Variants in KAZN observed in about 807,000 individuals in gnomAD.
KAZN encodes kazrin.
Under a neutral mutation model 87.4 loss-of-function variants are expected in KAZN, and 40 were observed. That is an observed-to-expected ratio of 0.46 (90% CI 0.36 to 0.60). KAZN has a LOEUF of 0.60. Among genes scored for constraint, KAZN ranks in the 20% least tolerant of loss-of-function variants. The probability of loss-of-function intolerance (pLI) is 0.00; values close to 1 mark genes in which losing one functional copy is unlikely to be tolerated. For synonymous variants in KAZN, 466 were observed against 458.3 expected, an observed-to-expected ratio of 1.02 and a Z score of -0.22; for missense variants, 898 against 1,073.9, an observed-to-expected ratio of 0.84 and a Z score of 2.29.
intron 1 of KAZN, among the ~76,000 whole-genome samples, chr1:14,156,088 A>G (rs1245138965): frequency 6.6e-6 from 1 of 152,130 alleles, no homozygotes; most frequent in Non-Finnish European, 1.5e-5. Context: ...TAATTTCTTC[A>G]TTGACACATT....
At chr1:14,190,345 A>AC (rs1157343550) in intron 2 of KAZN, among the ~76,000 whole-genome samples, 2 of 151,998 alleles carry the variant, frequency 1.3e-5, no homozygotes, top group Non-Finnish European at 2.9e-5. Context: ...CTCATTTAAT[A>AC]CCCCCGGTGA....
rs372358473 is a variant in KAZN at position 14,605,013 on chromosome 1, T to C, written c.226+5790T>C. Among the ~76,000 whole-genome samples, 462 of 152,318 alleles carry C rather than the reference T, an allele frequency of 3.0e-3. 2 individuals are homozygous for C. The highest frequency in any genetic ancestry group is 0.011 in the African/African-American group (437 of 41,562). On this transcript the variant is annotated intron_variant, in intron 1 of 14. Coordinates refer to ENST00000376030, the MANE Select transcript of KAZN (RefSeq NM_201628.3). The stretch of plus-strand genomic sequence containing the variant: ...CTTCCATTCCCAATATTACCTCTGC[T>C]CTACAGATTGTGTGAAGTAATGAGT...
At chr1:14,828,108 GCCAT>G (rs1219574181) in intron 1 of KAZN, among the ~76,000 whole-genome samples, 1 of 152,162 alleles carries the variant, frequency 6.6e-6, no homozygotes, top group Non-Finnish European at 1.5e-5. Context: ...AATTCTCTAT[GCCAT>G]CCCTTGGCAT....
chr1:13,936,451 A>G (rs1216011921), intron 1 of KAZN, among the ~76,000 whole-genome samples: 1 of 152,090 alleles, frequency 6.6e-6, no homozygotes, highest in African/African-American at 2.4e-5. Context: ...GTAAAGTCTG[A>G]GATTTTAATG....
chr1:14,357,394 C>T (rs941751898), intron 2 of KAZN, among the ~76,000 whole-genome samples: 2 of 152,162 alleles, frequency 1.3e-5, no homozygotes, highest in Non-Finnish European at 2.9e-5. Flanking sequence ...TTCCTCTCTT[C>T]CTATTGGAAT....
chr1:14,992,017 C>T (rs2101957756), intron 2 of KAZN, among the ~76,000 whole-genome samples: 1 of 152,296 alleles, frequency 6.6e-6, no homozygotes, highest in Admixed American at 6.5e-5. Flanking sequence ...CCTCTCTTTG[C>T]CTGGTGTCTG....
chr1:14,219,934 A>G (rs1647056187), intron 2 of KAZN, among the ~76,000 whole-genome samples: 2 of 152,170 alleles, frequency 1.3e-5, no homozygotes, highest in Admixed American at 1.3e-4. Context: ...GCCATTGATC[A>G]TCTCTTAGCA....
At chr1:14,090,375 T>TTC (rs892113504) in intron 1 of KAZN, among the ~76,000 whole-genome samples, 5 of 151,824 alleles carry the variant, frequency 3.3e-5, no homozygotes, top group South Asian at 2.1e-4. Flanking sequence ...TCACTAATTT[T>TTC]TCTCTCTCTC....
intron 1 of KAZN, among the ~76,000 whole-genome samples, chr1:14,164,527 G>A (rs1455212854): frequency 4.4e-5 from 6 of 137,460 alleles, no homozygotes; most frequent in Non-Finnish European, 9.3e-5. Flanking sequence ...TGCAATGTGA[G>A]TTTCCTCTTT....
intron 1 of KAZN, among the ~76,000 whole-genome samples, chr1:13,996,403 C>T (rs1286565202): frequency 2.0e-5 from 3 of 152,182 alleles, no homozygotes; most frequent in Non-Finnish European, 4.4e-5. Context: ...GGAGGAGCAG[C>T]AGCCAGCACT....
chr1:14,277,242 C>A (rs1022294672), intron 2 of KAZN, among the ~76,000 whole-genome samples: 2 of 152,278 alleles, frequency 1.3e-5, no homozygotes, highest in African/African-American at 4.8e-5. Flanking sequence ...TTTAAAGCAA[C>A]CCCATACATC....
In KAZN at chr1:14,898,083, T is replaced by C. The variant is rs1189255944; in HGVS notation, c.227-62601T>C. Among the ~76,000 whole-genome samples the C allele has an allele frequency of 2.0e-5, 3 of 152,204 alleles. No homozygotes were observed. In the South Asian group the frequency reaches 6.2e-4, roughly 31 times the overall value. ...ACCTAACACTGGGCTCAATAAATGG[T>C]ACCCGGGGGTGAGAAAGGACCACAG... On this transcript the variant is annotated intron_variant, in intron 1 of 14. Coordinates refer to ENST00000376030, the MANE Select transcript of KAZN (RefSeq NM_201628.3).
In KAZN at chr1:15,066,641, T is replaced by C. The variant is rs1639247335; in HGVS notation, c.1222+888T>C. On this transcript the variant is annotated intron_variant, in intron 8 of 14. Coordinates refer to ENST00000376030, the MANE Select transcript of KAZN (RefSeq NM_201628.3). The surrounding 1 kb of genome is among the most constrained non-coding windows in gnomAD (Gnocchi z 4.3). ...AACTTATTCTATCTAAATTATTACA[T>C]AAATATTGGAATGTCTATTTTTCCA... 1.0e-6 allele frequency: 1 copy of C among 978,132 alleles called. No homozygotes were observed. Among genetic ancestry groups the C allele is most frequent in the African/African-American group, 1.8e-5 (1 of 57,074 alleles). The allele number at this position is 978,132 out of a possible 1,614,324, so 60.6% of individuals were successfully genotyped here. A position where few individuals can be genotyped will look rare whatever the true frequency, so the allele number is the denominator to read the frequency against.
intron 1 of KAZN, among the ~76,000 whole-genome samples, chr1:14,887,576 A>G (rs1654212420): frequency 6.6e-6 from 1 of 152,140 alleles, no homozygotes; most frequent in Non-Finnish European, 1.5e-5. Flanking sequence ...TTTAGTGTCT[A>G]GGAAAAAACA....
chr1:14,580,805 G>A (rs966718634), intron 2 of KAZN, among the ~76,000 whole-genome samples: 4 of 152,092 alleles, frequency 2.6e-5, no homozygotes, highest in Non-Finnish European at 5.9e-5. Context: ...ATTCTTGGTC[G>A]ATCATTCGAT....
intron 2 of KAZN, among the ~76,000 whole-genome samples, chr1:14,433,079 ATTTATT>A (rs1371332350): frequency 6.6e-6 from 1 of 152,086 alleles, no homozygotes; most frequent in Non-Finnish European, 1.5e-5. Context: ...AGCTCTACAT[ATTTATT>A]TTTAATGCTG....
intron 2 of KAZN, among the ~76,000 whole-genome samples, chr1:14,977,280 A>G (rs2101874872): frequency 6.6e-6 from 1 of 152,304 alleles, no homozygotes; most frequent in South Asian, 2.1e-4. Flanking sequence ...AGGCTGGGAA[A>G]AGAGGGACGT....
At chr1:14,206,029 T>A (rs968577599) in intron 2 of KAZN, among the ~76,000 whole-genome samples, 1 of 151,950 alleles carries the variant, frequency 6.6e-6, no homozygotes, top group Non-Finnish European at 1.5e-5. Context: ...AATAAATAAA[T>A]TTTTTAAAAA....
chr1:14,308,843 T>C (rs2100804792), intron 2 of KAZN, among the ~76,000 whole-genome samples: 1 of 152,352 alleles, frequency 6.6e-6, no homozygotes, highest in East Asian at 1.9e-4. Flanking sequence ...TGTTTGCCTG[T>C]TGTGTATGAT....
Sources: gnomAD v4.1 joint callset for allele counts (sites outside exome capture counted in the v4.1 genomes callset) on GRCh38, gnomAD v4.1.1 for gene constraint, Gnocchi (gnomAD v3.1) non-coding constraint, MANE v1.5 for transcripts, NCBI Gene and HGNC (gene_info 2026-07-23, HGNC 2026-07-21) for gene names.